Variants in BRI3 observed in about 807,000 individuals in gnomAD.
The protein encoded by BRI3 is membrane protein BRI3.
BRI3 carries 6 observed loss-of-function variants against 12.8 expected under a neutral mutation model. The ratio of observed to expected loss-of-function variants is 0.47; its 90% confidence interval spans 0.26 to 0.93. The LOEUF (loss-of-function observed/expected upper bound fraction) is 0.93. BRI3 is among the 40% of genes least tolerant of loss of function. The probability of loss-of-function intolerance (pLI) is 0.15; values close to 1 mark genes in which losing one functional copy is unlikely to be tolerated. For synonymous variants in BRI3, 91 were observed against 76.1 expected (o/e 1.20, Z -1.02); for missense variants, 134 against 171.1 (o/e 0.78, Z 1.21).
chr7:98,315,289 T>G (rs967955558), downstream of BRI3, among the ~76,000 whole-genome samples: 1 of 148,662 alleles, frequency 6.7e-6, no homozygotes. Context: ...GCCTGGCTAG[T>G]TTTTTTTTTA....
upstream of BRI3, chr7:98,304,271 G>C (rs539226207): frequency 2.5e-6 from 4 of 1,613,580 alleles, no homozygotes; most frequent in Non-Finnish European, 3.4e-6. Context: ...CTCTCCTGTC[G>C]GCAGCTGCCC....
exon 2 of BRI3, chr7:98,310,050 C>A (rs903951598): frequency 1.2e-5 from 2 of 165,374 alleles, no homozygotes; most frequent in Non-Finnish European, 1.3e-5. Context: ...GGGGTTTCAT[C>A]ATGTTGGCCA....
At chr7:98,317,341 A>G in the BRI3 span, 1 of 1,613,874 alleles carries the variant, frequency 6.2e-7, no homozygotes, top group African/African-American at 1.3e-5. Flanking sequence ...TCTGTTTGGT[A>G]TCTTTTTAGA....
intron 1 of BRI3, among the ~76,000 whole-genome samples, 190 bp from the exon 2 acceptor site, chr7:98,282,161 G>T (rs1799540209): frequency 6.6e-6 from 1 of 152,214 alleles, no homozygotes; most frequent in African/African-American, 2.4e-5. Context: ...TGCCCCAGAT[G>T]AACTTTGTGT....
At chr7:98,308,833 A>T (rs1356792023) in exon 2 of BRI3, 2 of 153,346 alleles carry the variant, frequency 1.3e-5, no homozygotes, top group Admixed American at 6.5e-5. Context: ...ACACGCCGCC[A>T]TGCCAGGTTC....
chr7:98,287,534 G>A (rs1420967977), intron 2 of BRI3, among the ~76,000 whole-genome samples: 3 of 152,190 alleles, frequency 2.0e-5, no homozygotes, highest in Admixed American at 2.0e-4. Context: ...GAAGAGAGGC[G>A]CCGGGGCCTG....
At chr7:98,310,029 T>C (rs1009534286) in exon 2 of BRI3, 1 of 160,520 alleles carries the variant, frequency 6.2e-6, no homozygotes, top group Non-Finnish European at 1.4e-5. Flanking sequence ...TTTTGTATTT[T>C]TAGTAGCGAT....
exon 1 of BRI3, chr7:98,306,568 C>G (rs1038359368): frequency 1.2e-6 from 2 of 1,613,152 alleles, no homozygotes; most frequent in Non-Finnish European, 1.7e-6. Context: ...ATGTGGACGG[C>G]AACCTCCCTG....
chr7:98,317,033 T>C, the BRI3 span, among the ~76,000 whole-genome samples: 1 of 152,110 alleles, frequency 6.6e-6, no homozygotes, highest in Non-Finnish European at 1.5e-5. Flanking sequence ...AGCTAGTTTT[T>C]GTAGAGGCAA....
downstream of BRI3, among the ~76,000 whole-genome samples, chr7:98,314,652 T>G (rs1202173561): frequency 6.6e-6 from 1 of 151,568 alleles, no homozygotes; most frequent in Non-Finnish European, 1.5e-5. Context: ...CCAAGAGGAA[T>G]GAACGCATCA....
At chr7:98,315,625 A>AAAAATAAT in the BRI3 span, 4 of 1,130,958 alleles carry the variant, frequency 3.5e-6, no homozygotes, top group African/African-American at 5.0e-5. Context: ...AAAAAAAAAA[A>AAAAATAAT]AATAATAATA....
chr7:98,312,223 C>T (rs1337975316), downstream of BRI3: 3 of 1,613,736 alleles, frequency 1.9e-6, no homozygotes, highest in Non-Finnish European at 2.5e-6. Flanking sequence ...CAACACAGGT[C>T]TCCTGCCACC....
chr7:98,317,036 A>T, the BRI3 span, among the ~76,000 whole-genome samples: 2 of 152,020 alleles, frequency 1.3e-5, no homozygotes, highest in African/African-American at 2.4e-5. Context: ...TAGTTTTTGT[A>T]GAGGCAAGGT....
chr7:98,303,595 TCTC>T (rs1161374877), upstream of BRI3, among the ~76,000 whole-genome samples: 2 of 152,194 alleles, frequency 1.3e-5, no homozygotes, highest in African/African-American at 4.8e-5. Flanking sequence ...CCGGCCTTGT[TCTC>T]CTCTAGCTGG....
downstream of BRI3, chr7:98,294,118 G>C (rs757685013): frequency 6.2e-7 from 1 of 1,613,848 alleles, no homozygotes; most frequent in South Asian, 1.1e-5. Context: ...CGTTCTGTGA[G>C]AAAGATAAAG....
upstream of BRI3, among the ~76,000 whole-genome samples, chr7:98,305,061 T>G (rs543338691): frequency 2.1e-3 from 304 of 147,230 alleles, 4 homozygotes; most frequent in East Asian, 0.011. Context: ...TTTTTTTTTT[T>G]TTTTTTTTTA....
At position 98,282,445 on chromosome 7, in the gene BRI3, TGTCTGCAGGTGAGTGG is replaced by T; in HGVS notation, c.245+1_245+16del. ...CTATCGTGGTCGTAGGAGGCTGTCC[TGTCTGCAGGTGAGTGG>T]GTCTGCAGCCTGGGGACTGGCCCTG... is the stretch of plus-strand genomic sequence containing the variant. On this transcript the variant is annotated splice_donor_variant and splice_donor_5th_base_variant and coding_sequence_variant and intron_variant, in exon 2 of 3. Coordinates refer to ENST00000297290, the MANE Select transcript of BRI3 (RefSeq NM_015379.5). LOFTEE classifies it high-confidence loss of function. The T allele has an allele frequency of 6.2e-7, 1 of 1,613,768 alleles. No homozygotes were observed. Among genetic ancestry groups the T allele is most frequent in the Non-Finnish European group, 8.5e-7 (1 of 1,179,742 alleles).
At chr7:98,289,927 G>C (rs1799845897) in intron 2 of BRI3, among the ~76,000 whole-genome samples, 1 of 152,192 alleles carries the variant, frequency 6.6e-6, no homozygotes, top group African/African-American at 2.4e-5. Flanking sequence ...GCCTGCAGGT[G>C]TCTTTAGTCT....
chr7:98,310,555 G>A, downstream of BRI3: 1 of 1,591,256 alleles, frequency 6.3e-7, no homozygotes, highest in Non-Finnish European at 8.5e-7. Flanking sequence ...GGGCATCTTT[G>A]GTGAGCATTT....
Sources: allele counts gnomAD v4.1 joint callset (sites outside exome capture counted in the v4.1 genomes callset), GRCh38; gene constraint gnomAD v4.1.1; transcripts MANE v1.5; gene names NCBI Gene and HGNC (gene_info 2026-07-23, HGNC 2026-07-21).